SRL: variants seen among roughly 807,000 people sequenced by gnomAD.
The protein encoded by SRL is sarcalumenin.
In SRL, 23 loss-of-function variants were observed where a neutral mutation model predicts 39.5. The observed-to-expected ratio is 0.58, with a 90% confidence interval of 0.42 to 0.82. SRL has a LOEUF of 0.82. SRL is among the 40% of genes least tolerant of loss of function. The probability of loss-of-function intolerance (pLI) is 0.00; values close to 1 mark genes in which losing one functional copy is unlikely to be tolerated. For missense variants in SRL, 592 were observed against 607.8 expected (o/e 0.97, Z 0.27); for synonymous variants, 272 against 237.4 (o/e 1.15, Z -1.34).
chr16:4,236,408 T>G (rs970250439), intron 1 of SRL, among the ~76,000 whole-genome samples: 9 of 152,122 alleles, frequency 5.9e-5, no homozygotes, highest in Non-Finnish European at 1.0e-4. Flanking sequence ...AATTCATTTA[T>G]CTTCTTCCTC....
At chr16:4,232,393 G>C (rs1043281651) in intron 1 of SRL, among the ~76,000 whole-genome samples, 3 of 152,314 alleles carry the variant, frequency 2.0e-5, no homozygotes, top group East Asian at 1.9e-4. Flanking sequence ...GGCCTCTCTG[G>C]TGGACACAGG....
intron 3 of SRL, among the ~76,000 whole-genome samples, chr16:4,202,191 C>T (rs2052243905): frequency 1.3e-5 from 2 of 152,330 alleles, no homozygotes; most frequent in East Asian, 3.9e-4. Flanking sequence ...AACAGGATCC[C>T]ATGTTTGTAA....
chr16:4,226,744 G>A (rs2052593722), intron 1 of SRL, among the ~76,000 whole-genome samples: 1 of 151,024 alleles, frequency 6.6e-6, no homozygotes, highest in Non-Finnish European at 1.5e-5. Flanking sequence ...ATGGATGGAA[G>A]GATGGAAGAA....
In SRL at chr16:4,206,293, C is replaced by T. The variant is rs556210022; in HGVS notation, c.62-1659G>A. Among the ~76,000 whole-genome samples the T allele has an allele frequency of 5.9e-5, 9 of 152,308 alleles. 1 individual carries two copies. The South Asian group carries it at 1.7e-3, about 28-fold the overall frequency. ...AGTCCTGGTTCTGCAATGCTTCCTA[C>T]AGCCTAGTCTTCAAGGGGAGACCCC... On this transcript the variant is annotated intron_variant, in intron 1 of 5. Coordinates refer to ENST00000399609, the MANE Select transcript of SRL (RefSeq NM_001098814.2).
chr16:4,236,165 T>C (rs919682246), intron 1 of SRL, among the ~76,000 whole-genome samples: 1 of 152,232 alleles, frequency 6.6e-6, no homozygotes, highest in Non-Finnish European at 1.5e-5. Flanking sequence ...GGCCTTTATT[T>C]ATCCCAAACT....
chr16:4,237,734 C>T (rs2141072966), intron 1 of SRL, among the ~76,000 whole-genome samples: 1 of 152,282 alleles, frequency 6.6e-6, no homozygotes, highest in South Asian at 2.1e-4. Flanking sequence ...CGTGAGTTTG[C>T]TCATCTTGTT....
At chr16:4,230,322 A>C (rs902792954) in intron 1 of SRL, among the ~76,000 whole-genome samples, 3 of 152,098 alleles carry the variant, frequency 2.0e-5, no homozygotes, top group Admixed American at 6.5e-5. Context: ...CCCTAGGAGA[A>C]AGCCCCCCAA....
chr16:4,225,794 G>C (rs2052581524), intron 1 of SRL, among the ~76,000 whole-genome samples: 1 of 151,836 alleles, frequency 6.6e-6, no homozygotes. Flanking sequence ...CACAGCAGCA[G>C]AGCAACAGGA....
intron 1 of SRL, among the ~76,000 whole-genome samples, chr16:4,223,281 G>A (rs1206173289): frequency 2.0e-5 from 3 of 149,398 alleles, no homozygotes; most frequent in Non-Finnish European, 4.4e-5. Flanking sequence ...TTTGGGGCTC[G>A]ATGATTGAAA....
chr16:4,197,717 T>C, intron 4 of SRL, 82 bp downstream of exon 4: 1 of 1,047,442 alleles, frequency 9.5e-7, no homozygotes, highest in Non-Finnish European at 1.5e-6. Context: ...TGAGTCATAA[T>C]GTCCGGCCAG....
intron 1 of SRL, among the ~76,000 whole-genome samples, chr16:4,232,261 C>G (rs1404393420): frequency 3.9e-5 from 6 of 152,244 alleles, no homozygotes; most frequent in Admixed American, 6.5e-5. Flanking sequence ...TTCTCCAGTT[C>G]TTTTCCAGAT....
chr16:4,219,759 C>G (rs934767010), intron 1 of SRL, among the ~76,000 whole-genome samples: 6 of 152,072 alleles, frequency 3.9e-5, no homozygotes, highest in African/African-American at 1.4e-4. Flanking sequence ...CCACGCCTGG[C>G]CTGTATGGAG....
At chr16:4,230,013 C>G (rs566367398) in intron 1 of SRL, among the ~76,000 whole-genome samples, 1 of 152,050 alleles carries the variant, frequency 6.6e-6, no homozygotes, top group Admixed American at 6.6e-5. Context: ...CAGCCAGGAC[C>G]CAGACCTCCA....
At chr16:4,205,359 A>G (rs1243890137) in intron 1 of SRL, among the ~76,000 whole-genome samples, 1 of 152,194 alleles carries the variant, frequency 6.6e-6, no homozygotes, top group African/African-American at 2.4e-5. Flanking sequence ...AGGGCTAGGT[A>G]GGAGAATGCC....
At chr16:4,217,907 G>C (rs2052478058) in intron 1 of SRL, among the ~76,000 whole-genome samples, 1 of 152,120 alleles carries the variant, frequency 6.6e-6, no homozygotes, top group African/African-American at 2.4e-5. Context: ...AGGGGGCCCG[G>C]AGCCATCCAT....
intron 3 of SRL, among the ~76,000 whole-genome samples, chr16:4,202,439 A>G (rs2052248582): frequency 6.6e-6 from 1 of 152,008 alleles, no homozygotes; most frequent in Non-Finnish European, 1.5e-5. Flanking sequence ...TAAAAATACA[A>G]AAAATTGGCC....
Position 4,197,804 on chromosome 16 carries a change from T to C in SRL, c.371A>G (p.Tyr124Cys), listed in dbSNP as rs1268548657. 3 of 1,591,030 alleles carry C rather than the reference T, an allele frequency of 1.9e-6. No individual in the cohort carries two copies. The highest frequency in any genetic ancestry group is 3.3e-5 in the Admixed American group (2 of 60,000). Residue 124 changes from tyrosine to cysteine, a missense_variant, in exon 4 of 6, where the codon TAT becomes TGT. Tyr to Cys is a radical substitution (Grantham distance 194). Coordinates refer to ENST00000399609, the MANE Select transcript of SRL (RefSeq NM_001098814.2). Reference protein sequence around the residue: ...LGLENTRYQLYTGAEPTTSEF... With the variant: ...LGLENTRYQLCTGAEPTTSEF... ...CACACAAGAATATTGATTACCTGTA[T>C]AGAGCTGATAGCGAGTATTTTCCAG...
At chr16:4,211,960 A>G (rs2052399368) in intron 1 of SRL, among the ~76,000 whole-genome samples, 1 of 152,170 alleles carries the variant, frequency 6.6e-6, no homozygotes, top group Non-Finnish European at 1.5e-5. Flanking sequence ...CTGATGTCCT[A>G]TAACATTTCT....
chr16:4,217,952 G>A (rs2052478788), intron 1 of SRL, among the ~76,000 whole-genome samples: 1 of 152,132 alleles, frequency 6.6e-6, no homozygotes, highest in Non-Finnish European at 1.5e-5. Context: ...CTGGCTGCCA[G>A]CCAGAGGCAG....
Sources: gnomAD v4.1 joint callset for allele counts (sites outside exome capture counted in the v4.1 genomes callset) on GRCh38, gnomAD v4.1.1 for gene constraint, MANE v1.5 for transcripts, NCBI Gene and HGNC (gene_info 2026-07-23, HGNC 2026-07-21) for gene names.